Variants in PCDH15 observed in about 807,000 individuals in gnomAD.
The protein encoded by PCDH15 is protocadherin related 15.
A neutral mutation model predicts 178.5 loss-of-function variants in PCDH15; 129 were observed. The observed-to-expected ratio is 0.72, with a 90% CI of 0.63 to 0.84. PCDH15 has a LOEUF of 0.84. Ranked by LOEUF, PCDH15 falls within the 40% of genes least tolerant of loss-of-function variation. The pLI is 0.00. For synonymous variants in PCDH15, 800 were observed against 732.0 expected, an observed-to-expected ratio of 1.09 and a Z score of -1.50; for missense variants, 2,230 against 2,099.9, an observed-to-expected ratio of 1.06 and a Z score of -1.21.
At chr10:54,776,474 G>C (rs1057281444) in intron 1 of PCDH15, among the ~76,000 whole-genome samples, 31 of 151,722 alleles carry the variant, frequency 2.0e-4, no homozygotes, top group Admixed American at 1.4e-3. Flanking sequence ...CATACCTGTA[G>C]CCTCAGACTT....
chr10:54,363,507 A>T (rs1247449968), intron 5 of PCDH15, among the ~76,000 whole-genome samples: 1 of 152,216 alleles, frequency 6.6e-6, no homozygotes, highest in Non-Finnish European at 1.5e-5. Flanking sequence ...ATCCAGCACC[A>T]GCATCACTGT....
rs558762282 is a variant in PCDH15 at position 53,849,509 on chromosome 10, G to GA, written c.3806+7665dup. ...GAATCAATATGCAATGGAATCTTAAGAAAAAAAGTAAAACCTACTTGATAA... is the reference window on the plus strand; with the variant it reads ...GAATCAATATGCAATGGAATCTTAAGAAAAAAAAGTAAAACCTACTTGATAA... On this transcript the variant is annotated intron_variant, in intron 28 of 37. Coordinates refer to ENST00000644397, the MANE Select transcript of PCDH15 (RefSeq NM_001384140.1). Among the ~76,000 whole-genome samples, 3 of 151,998 alleles carry GA rather than the reference G, an allele frequency of 2.0e-5. No individual in the cohort carries two copies. The South Asian group carries it at 6.2e-4, about 32-fold the overall frequency.
At chr10:54,093,533 G>A (rs1234944013) in intron 15 of PCDH15, among the ~76,000 whole-genome samples, 1 of 152,104 alleles carries the variant, frequency 6.6e-6, no homozygotes, top group Non-Finnish European at 1.5e-5. Flanking sequence ...AATATCAACA[G>A]AAGCATTTAC....
chr10:54,547,795 A>G (rs913296489), intron 2 of PCDH15, among the ~76,000 whole-genome samples: 5 of 152,106 alleles, frequency 3.3e-5, no homozygotes, highest in African/African-American at 7.2e-5. Context: ...ACATACCCTT[A>G]GGAACGAACA....
At chr10:53,829,326 A>G (rs747353535) in intron 30 of PCDH15, among the ~76,000 whole-genome samples, 2 of 152,204 alleles carry the variant, frequency 1.3e-5, no homozygotes, top group Non-Finnish European at 2.9e-5. Context: ...AATTATTTAA[A>G]TATTAAACAT....
intron 6 of PCDH15, among the ~76,000 whole-genome samples, chr10:54,345,833 A>AAAAAAC (rs1943179176): frequency 7.9e-6 from 1 of 127,248 alleles, no homozygotes; most frequent in Non-Finnish European, 1.7e-5. Flanking sequence ...AAAAAAAAAA[A>AAAAAAC]AGAAATCATC....
intron 3 of PCDH15, among the ~76,000 whole-genome samples, chr10:54,496,886 C>A (rs576066977): frequency 6.6e-6 from 1 of 152,094 alleles, no homozygotes. Context: ...TAACTTTACC[C>A]GTTCTGTATT....
At chr10:55,516,727 C>T (rs1841021301) in intron 2 of PCDH15, among the ~76,000 whole-genome samples, 1 of 152,028 alleles carries the variant, frequency 6.6e-6, no homozygotes, top group South Asian at 2.1e-4. Flanking sequence ...TGACCAGATG[C>T]CTTGGGATTC....
chr10:54,305,858 T>A (rs1221235200), intron 8 of PCDH15, among the ~76,000 whole-genome samples: 1 of 151,816 alleles, frequency 6.6e-6, no homozygotes, highest in Non-Finnish European at 1.5e-5. Flanking sequence ...CAAAGACATT[T>A]CACCTCAGCC....
intron 1 of PCDH15, among the ~76,000 whole-genome samples, chr10:55,284,835 G>A (rs965735844): frequency 2.0e-5 from 3 of 151,936 alleles, no homozygotes; most frequent in African/African-American, 7.2e-5. Context: ...TAAAATCTTG[G>A]TGTGTATTTT....
At chr10:54,419,243 T>TACACACACACACACACACAC (rs146831797) in intron 3 of PCDH15, among the ~76,000 whole-genome samples, 2 of 150,542 alleles carry the variant, frequency 1.3e-5, no homozygotes, top group East Asian at 2.0e-4. Context: ...CATATATACA[T>TACACACACACACACACACAC]ACACACACAC....
chr10:54,064,091 G>T (rs762496547), intron 18 of PCDH15, among the ~76,000 whole-genome samples: 6 of 152,146 alleles, frequency 3.9e-5, no homozygotes, highest in Non-Finnish European at 8.8e-5. Flanking sequence ...AGGTGGAGAG[G>T]AACTTTACAA....
intron 2 of PCDH15, among the ~76,000 whole-genome samples, chr10:55,094,968 C>T (rs1842414263): frequency 6.8e-6 from 1 of 146,326 alleles, no homozygotes; most frequent in Admixed American, 6.9e-5. Flanking sequence ...GTCACCCAGG[C>T]AAGAGTGTAG....
intron 2 of PCDH15, among the ~76,000 whole-genome samples, chr10:54,963,734 C>T (rs1275036286): frequency 6.6e-6 from 1 of 152,146 alleles, no homozygotes; most frequent in Non-Finnish European, 1.5e-5. Flanking sequence ...CTATACAGAC[C>T]ACTTTATCTC....
intron 3 of PCDH15, among the ~76,000 whole-genome samples, chr10:54,412,664 C>T (rs1232451379): frequency 6.6e-6 from 1 of 152,178 alleles, no homozygotes; most frequent in Admixed American, 6.6e-5. Context: ...AGCAACTTCA[C>T]TTGGATCTAC....
intron 25 of PCDH15, among the ~76,000 whole-genome samples, chr10:53,934,933 A>ATAAAAAAAAAAAAGTCTAGAAT (rs2085435494): frequency 6.6e-6 from 1 of 150,948 alleles, no homozygotes; most frequent in African/African-American, 2.4e-5. Flanking sequence ...TGCCACATTA[A>ATAAAAAAAAAAAAGTCTAGAAT]TAAAAAAAAA....
chr10:55,068,214 T>C (rs1254982815), intron 2 of PCDH15, among the ~76,000 whole-genome samples: 3 of 152,108 alleles, frequency 2.0e-5, no homozygotes, highest in South Asian at 4.1e-4. Context: ...TGCATCAACA[T>C]AATACTTGTA....
chr10:55,097,846 C>T (rs78311401), intron 2 of PCDH15, among the ~76,000 whole-genome samples: 4,805 of 152,152 alleles, frequency 0.032, 251 homozygotes, highest in East Asian at 0.15. Context: ...ACACTCTGTA[C>T]TTTAAAGACT....
At chr10:55,221,552 T>C (rs570381993) in intron 1 of PCDH15, among the ~76,000 whole-genome samples, 3 of 152,052 alleles carry the variant, frequency 2.0e-5, no homozygotes, top group Admixed American at 1.3e-4. Flanking sequence ...AGTAAATTTA[T>C]TGTCATTAAA....
Sources: allele counts gnomAD v4.1 joint callset (sites outside exome capture counted in the v4.1 genomes callset), GRCh38; gene constraint gnomAD v4.1.1; transcripts MANE v1.5; gene names NCBI Gene and HGNC (gene_info 2026-07-23, HGNC 2026-07-21).